USP32: variants seen among roughly 807,000 people sequenced by gnomAD.
The protein encoded by USP32 is ubiquitin carboxyl-terminal hydrolase 32.
Under a neutral mutation model 204.8 loss-of-function variants are expected in USP32, and 59 were observed. That is an observed-to-expected ratio of 0.29 (90% CI 0.23 to 0.36). The LOEUF (loss-of-function observed/expected upper bound fraction) is 0.36. Among genes scored for constraint, USP32 ranks in the 10% least tolerant of loss-of-function variants. The pLI is 1.00. For missense variants in USP32, 1,160 were observed against 1,946.4 expected, an observed-to-expected ratio of 0.60 and a Z score of 7.60; for synonymous variants, 517 against 678.4, an observed-to-expected ratio of 0.76 and a Z score of 3.70.
intron 25 of USP32, among the ~76,000 whole-genome samples, chr17:60,206,007 T>C (rs1440492400): frequency 6.6e-6 from 1 of 152,228 alleles, no homozygotes; most frequent in African/African-American, 2.4e-5. Context: ...CAGTAACCTC[T>C]ACCCAGATGT....
At chr17:60,355,911 A>G (rs888335979) in intron 1 of USP32, among the ~76,000 whole-genome samples, 1 of 139,238 alleles carries the variant, frequency 7.2e-6, no homozygotes, top group Non-Finnish European at 1.5e-5. Flanking sequence ...AAAAAAAAAA[A>G]GCAGTATTTG....
upstream of USP32, among the ~76,000 whole-genome samples, chr17:60,395,305 C>T (rs181892690): frequency 5.0e-4 from 76 of 152,302 alleles, no homozygotes; most frequent in African/African-American, 1.7e-3. Flanking sequence ...GGATTAAGCA[C>T]TTCTAAAAAT....
At chr17:60,249,336 C>G (rs2086111146) in intron 11 of USP32, 1 of 166,544 alleles carries the variant, frequency 6.0e-6, no homozygotes, top group Admixed American at 6.4e-5. Context: ...ACTTTGGTTT[C>G]TCCTGAGTTT....
In USP32 at chr17:60,207,141, A is replaced by G. The variant is rs537831749; in HGVS notation, c.2926-9T>C. Reference sequence around the variant, plus strand: ...TTGTCCTGAGGAAAGTTCTACAGAAACAGAAGCAAGATGAGAAGGGGGAGA... The same window carrying G: ...TTGTCCTGAGGAAAGTTCTACAGAAGCAGAAGCAAGATGAGAAGGGGGAGA... On this transcript the variant is annotated splice_polypyrimidine_tract_variant and intron_variant, in intron 24 of 33. Coordinates refer to ENST00000300896, the MANE Select transcript of USP32 (RefSeq NM_032582.4). 3 of 1,607,798 alleles carry G rather than the reference A, an allele frequency of 1.9e-6. No individual in the cohort carries two copies. In the South Asian group the frequency reaches 3.3e-5, roughly 18 times the overall value.
chr17:60,287,280 G>A (rs1421497498), intron 5 of USP32, among the ~76,000 whole-genome samples: 1 of 152,132 alleles, frequency 6.6e-6, no homozygotes, highest in East Asian at 1.9e-4. Context: ...TTGCAAATCA[G>A]AAAATTTTTA....
At chr17:60,356,011 A>T (rs2089067815) in intron 1 of USP32, among the ~76,000 whole-genome samples, 1 of 152,098 alleles carries the variant, frequency 6.6e-6, no homozygotes, top group South Asian at 2.1e-4. Context: ...TGTAAAAACC[A>T]ACAGTCAAAC....
At chr17:60,261,027 A>G (rs192710388) in intron 9 of USP32, among the ~76,000 whole-genome samples, 6 of 152,340 alleles carry the variant, frequency 3.9e-5, no homozygotes, top group Admixed American at 6.5e-5. Flanking sequence ...ATAAATTTCA[A>G]CTCATTCAGG....
At chr17:60,382,014 G>A (rs1218680187) in intron 1 of USP32, among the ~76,000 whole-genome samples, 1 of 152,150 alleles carries the variant, frequency 6.6e-6, no homozygotes, top group Non-Finnish European at 1.5e-5. Context: ...TCATTTTTAA[G>A]ACCAAATTTT....
At chr17:60,296,883 C>T (rs1225369766) in intron 3 of USP32, among the ~76,000 whole-genome samples, 1 of 152,044 alleles carries the variant, frequency 6.6e-6, no homozygotes, top group African/African-American at 2.4e-5. Flanking sequence ...GCCAAGGGGA[C>T]CCCAGAAAAT....
chr17:60,316,133 A>C (rs1312667420), intron 2 of USP32: 2 of 257,364 alleles, frequency 7.8e-6, no homozygotes, highest in Non-Finnish European at 1.5e-5. Context: ...GAAGACATCA[A>C]CCACTCTGCT....
At position 60,179,241 on chromosome 17, in the gene USP32, C is replaced by T. The variant is rs1353424910; in HGVS notation, c.*14G>A. ...CCCTCACCGCCAAGCTGTCTAGCAG[C>T]CAGAGTGGTAGCTTTACTGTAACAC... On this transcript the variant is annotated 3_prime_UTR_variant, in exon 34 of 34. Transcript: ENST00000300896. 6.2e-7 allele frequency: 1 copy of T among 1,610,056 alleles called. No individual in the cohort carries two copies. Among genetic ancestry groups the T allele is most frequent in the East Asian group, 2.2e-5 (1 of 44,784 alleles).
intron 27 of USP32, among the ~76,000 whole-genome samples, chr17:60,193,800 G>A (rs1213669418): frequency 6.6e-6 from 1 of 152,202 alleles, no homozygotes; most frequent in Non-Finnish European, 1.5e-5. Context: ...ATCTGGCATA[G>A]GAGTTCCCAT....
At chr17:60,356,078 G>A (rs1299715242) in intron 1 of USP32, among the ~76,000 whole-genome samples, 1 of 152,054 alleles carries the variant, frequency 6.6e-6, no homozygotes, top group African/African-American at 2.4e-5. Context: ...GTCAATATTT[G>A]ACCTATCTGG....
At chr17:60,419,880 G>A (rs1179037614) in intron 1 of USP32, among the ~76,000 whole-genome samples, 1 of 144,032 alleles carries the variant, frequency 6.9e-6, no homozygotes, top group Non-Finnish European at 1.5e-5. Context: ...TATTATTTGA[G>A]TCGGAGTCTT....
chr17:60,336,863 C>G (rs1299562793), intron 2 of USP32, among the ~76,000 whole-genome samples: 2 of 152,138 alleles, frequency 1.3e-5, no homozygotes, highest in Non-Finnish European at 2.9e-5. Context: ...GGAAAGATTT[C>G]AAACCAGTAT....
chr17:60,233,400 T>C (rs1425519047), intron 12 of USP32, among the ~76,000 whole-genome samples: 1 of 152,136 alleles, frequency 6.6e-6, no homozygotes, highest in Non-Finnish European at 1.5e-5. Context: ...GTTGAGGCTG[T>C]AGTGAGCTAT....
chr17:60,256,114 G>A (rs1431110299), intron 9 of USP32, among the ~76,000 whole-genome samples: 2 of 151,980 alleles, frequency 1.3e-5, no homozygotes, highest in African/African-American at 4.8e-5. Context: ...TGAGGCAAGA[G>A]GATCGCTTGA....
At chr17:60,388,720 A>G (rs1404227786) in intron 1 of USP32, among the ~76,000 whole-genome samples, 2 of 151,894 alleles carry the variant, frequency 1.3e-5, no homozygotes, top group African/African-American at 4.9e-5. Flanking sequence ...TACCAGTAAT[A>G]CATCTCCCTA....
At chr17:60,406,097 C>T (rs2089973202) in intron 1 of USP32, among the ~76,000 whole-genome samples, 1 of 137,920 alleles carries the variant, frequency 7.3e-6, no homozygotes, top group Non-Finnish European at 1.5e-5. Flanking sequence ...GTCAAGGCTG[C>T]AGAGAGCCGT....
Sources: gnomAD v4.1 joint callset for allele counts (sites outside exome capture counted in the v4.1 genomes callset) on GRCh38, gnomAD v4.1.1 for gene constraint, MANE v1.5 for transcripts, NCBI Gene and HGNC (gene_info 2026-07-23, HGNC 2026-07-21) for gene names.